The following SUPT3H variants were observed in gnomAD, a reference collection of about 807,000 sequenced individuals.
SUPT3H encodes SPT3 homolog, SAGA and STAGA complex component.
Under a neutral mutation model 44.3 loss-of-function variants are expected in SUPT3H, and 44 were observed. The observed-to-expected ratio is 0.99, with a 90% CI of 0.78 to 1.28. The LOEUF (loss-of-function observed/expected upper bound fraction) is 1.28, where lower values mean the gene tolerates loss of function less well. SUPT3H is among the 50% of genes most tolerant of loss of function. The pLI is 0.00. For missense variants in SUPT3H, 380 were observed against 387.1 expected (o/e 0.98, Z 0.15); for synonymous variants, 124 against 125.6 (o/e 0.99, Z 0.09).
chr6:45,173,644 A>G (rs1286270740), intron 2 of SUPT3H, among the ~76,000 whole-genome samples: 4 of 152,232 alleles, frequency 2.6e-5, no homozygotes, highest in African/African-American at 4.8e-5. Context: ...TTCTAAACCA[A>G]TAACTGTAAA....
intron 1 of SUPT3H, among the ~76,000 whole-genome samples, chr6:45,376,168 G>A (rs965796705): frequency 8.5e-5 from 13 of 152,114 alleles, no homozygotes; most frequent in Non-Finnish European, 1.5e-4. Flanking sequence ...CAACCTAGGA[G>A]ACAACGTTTT....
chr6:45,301,093 T>A (rs1370444178), intron 2 of SUPT3H, among the ~76,000 whole-genome samples: 1 of 151,780 alleles, frequency 6.6e-6, no homozygotes, highest in Non-Finnish European at 1.5e-5. Flanking sequence ...ATCTCTGGGG[T>A]TTCTGGGCAG....
chr6:44,989,276 T>C (rs761294028), intron 6 of SUPT3H, among the ~76,000 whole-genome samples: 5 of 152,142 alleles, frequency 3.3e-5, no homozygotes, highest in Non-Finnish European at 7.4e-5. Flanking sequence ...TAGCATAATA[T>C]ACTCTAGGTT....
intron 10 of SUPT3H, among the ~76,000 whole-genome samples, chr6:44,847,465 G>A (rs901427929): frequency 6.6e-6 from 1 of 151,968 alleles, no homozygotes; most frequent in Admixed American, 6.5e-5. Flanking sequence ...ATTTTTAAAT[G>A]GAAACTTAAA....
At chr6:45,012,070 T>G (rs1275081066) in intron 5 of SUPT3H, among the ~76,000 whole-genome samples, 1 of 151,722 alleles carries the variant, frequency 6.6e-6, no homozygotes, top group Non-Finnish European at 1.5e-5. Flanking sequence ...TATGCTTTTT[T>G]CTTGTGACTT....
chr6:44,882,845 C>T (rs1054751267), intron 10 of SUPT3H, among the ~76,000 whole-genome samples: 10 of 152,144 alleles, frequency 6.6e-5, no homozygotes, highest in Non-Finnish European at 1.0e-4. Flanking sequence ...CTCCTTCATG[C>T]TAAAAACTCT....
At chr6:45,124,512 G>A (rs535016084) in intron 2 of SUPT3H, among the ~76,000 whole-genome samples, 8 of 151,854 alleles carry the variant, frequency 5.3e-5, no homozygotes, top group South Asian at 2.1e-4. Flanking sequence ...GGGCATGGTG[G>A]TGCATGCCTG....
At chr6:45,051,711 A>G (rs1370715760) in intron 3 of SUPT3H, among the ~76,000 whole-genome samples, 2 of 152,158 alleles carry the variant, frequency 1.3e-5, no homozygotes, top group African/African-American at 2.4e-5. Flanking sequence ...AGTGTTGAGT[A>G]TTGCCAGCTG....
At chr6:45,121,833 G>A (rs981836641) in intron 2 of SUPT3H, among the ~76,000 whole-genome samples, 1 of 151,744 alleles carries the variant, frequency 6.6e-6, no homozygotes, top group African/African-American at 2.4e-5. Context: ...CCGCCACCAC[G>A]CCCAGCTAAT....
intron 10 of SUPT3H, among the ~76,000 whole-genome samples, chr6:44,895,795 T>G (rs1764037191): frequency 6.6e-6 from 1 of 152,058 alleles, no homozygotes; most frequent in Admixed American, 6.6e-5. Flanking sequence ...AAACAATTAT[T>G]TTACTGCTTT....
rs1795592690 is a variant in SUPT3H, at chr6:45,368,951, TA to T, written c.1-3651del. Among the ~76,000 whole-genome samples, 3 of 152,106 alleles carry T rather than the reference TA, an allele frequency of 2.0e-5. No homozygotes were observed. The South Asian group carries it at 6.2e-4, about 31-fold the overall frequency. ...AAAATAATCAGGTTACATCATGATC[TA>T]AATTTCTTCTGATGTGAAAAATAAT... is the stretch of plus-strand genomic sequence containing the variant. On this transcript the variant is annotated intron_variant, in intron 1 of 10. Coordinates refer to ENST00000371459, the MANE Select transcript of SUPT3H (RefSeq NM_003599.4).
chr6:44,895,091 TC>T (rs1763915009), intron 10 of SUPT3H, among the ~76,000 whole-genome samples: 2 of 152,058 alleles, frequency 1.3e-5, no homozygotes, highest in Non-Finnish European at 2.9e-5. Context: ...TTTATTTTTT[TC>T]CTCAGTTTAG....
intron 6 of SUPT3H, among the ~76,000 whole-genome samples, chr6:44,983,762 G>A (rs1010753037): frequency 1.1e-4 from 16 of 152,108 alleles, no homozygotes; most frequent in Non-Finnish European, 1.8e-4. Flanking sequence ...CGTTTTTATT[G>A]AAATGTTTTA....
chr6:45,252,860 A>C (rs567214511), intron 2 of SUPT3H, among the ~76,000 whole-genome samples: 51 of 152,218 alleles, frequency 3.4e-4, no homozygotes, highest in African/African-American at 1.2e-3. Context: ...ACAAGAAAAA[A>C]CCCAAGAAAA....
chr6:44,853,930 G>C (rs111743317), intron 10 of SUPT3H, among the ~76,000 whole-genome samples: 21 of 151,912 alleles, frequency 1.4e-4, no homozygotes, highest in African/African-American at 5.1e-4. Context: ...AGTTGAGGGG[G>C]AGGTAAAGAG....
At chr6:45,230,686 A>ATATTT (rs796866510) in intron 2 of SUPT3H, among the ~76,000 whole-genome samples, 1 of 116,796 alleles carries the variant, frequency 8.6e-6, no homozygotes, top group African/African-American at 3.1e-5. Flanking sequence ...ATATATATAT[A>ATATTT]TTTTTGAGAT....
chr6:45,100,316 G>C (rs7739928), intron 3 of SUPT3H, among the ~76,000 whole-genome samples: 87,743 of 151,646 alleles, frequency 0.58, 26,189 homozygotes, highest in African/African-American at 0.73. Context: ...GAAAATGCTT[G>C]AATTTCTTCG....
chr6:44,888,720 C>G (rs1762760572), intron 10 of SUPT3H, among the ~76,000 whole-genome samples: 1 of 152,106 alleles, frequency 6.6e-6, no homozygotes, highest in Non-Finnish European at 1.5e-5. Flanking sequence ...CAGGGATGCC[C>G]TCTCTCACCA....
intron 10 of SUPT3H, among the ~76,000 whole-genome samples, chr6:44,844,926 A>C (rs539708648): frequency 3.5e-4 from 53 of 150,694 alleles, no homozygotes; most frequent in Admixed American, 1.7e-3. Context: ...AAACAACAAA[A>C]CCCCCCCCAC....
Sources: allele counts gnomAD v4.1 joint callset (sites outside exome capture counted in the v4.1 genomes callset), GRCh38; gene constraint gnomAD v4.1.1; transcripts MANE v1.5; gene names NCBI Gene and HGNC (gene_info 2026-07-23, HGNC 2026-07-21).